TRAP1: variants seen among roughly 807,000 people sequenced by gnomAD.
The protein encoded by TRAP1 is TNF receptor associated protein 1.
In TRAP1, 102 loss-of-function variants were observed where a neutral mutation model predicts 89.1. That is an observed-to-expected ratio of 1.15 (90% CI 0.98 to 1.35). TRAP1 has a LOEUF of 1.35. Ranked by LOEUF, TRAP1 falls within the 40% of genes most tolerant of loss-of-function variation. TRAP1 has a pLI of 0.00. For missense variants in TRAP1, 1,256 were observed against 945.3 expected (o/e 1.33, Z -4.31); for synonymous variants, 508 against 388.0 (o/e 1.31, Z -3.64).
At position 3,662,716 on chromosome 16, in the gene TRAP1, C is replaced by A. The variant is rs749018732; in HGVS notation, c.1794+166G>T. ...GGCCTTCCTGCCTCAGCGGCACTCC[C>A]GAGCAACACGTGCCGAGCAGGGACC... On this transcript the variant is annotated intron_variant, in intron 15 of 17. Transcript: ENST00000246957. The A allele has an allele frequency of 4.2e-6, 3 of 717,632 alleles. No homozygotes were observed. In the South Asian group the frequency reaches 4.5e-5, roughly 11 times the overall value. 44.5% of individuals were successfully genotyped at this position (717,632 alleles called of 1,614,324 possible).
intron 1 of TRAP1, among the ~76,000 whole-genome samples, chr16:3,706,969 C>A (rs925743666): frequency 6.6e-6 from 1 of 152,048 alleles, no homozygotes; most frequent in African/African-American, 2.4e-5. Flanking sequence ...AGAGGTCGCA[C>A]CGTTTTACAT....
chr16:3,707,503 A>G (rs1256256708), intron 1 of TRAP1, among the ~76,000 whole-genome samples: 1 of 151,736 alleles, frequency 6.6e-6, no homozygotes, highest in East Asian at 2.0e-4. Context: ...AAATGTTTCT[A>G]AACAAAATAT....
In TRAP1 at chr16:3,658,862, G is replaced by T. The variant is rs137975630; in HGVS notation, c.1944C>A (p.His648Gln). 9.9e-6 allele frequency: 16 copies of T among 1,613,906 alleles called. No individual in the cohort carries two copies. The highest frequency in any genetic ancestry group is 2.2e-5 in the East Asian group (1 of 44,896). The change falls in exon 17 of 18, where the codon CAC becomes CAA. Residue 648 changes from histidine to glutamine, a missense_variant. Coordinates refer to ENST00000246957, the MANE Select transcript of TRAP1 (RefSeq NM_016292.3). ...GCTGATTCAGCTTCTTGATGAGCGC[G>T]TGCCTGCAACACAGAACCCACCAGA... ...LQPTLEINPR[H>Q]ALIKKLNQLR...
At chr16:3,683,499 C>A (rs2051099776) in intron 4 of TRAP1, among the ~76,000 whole-genome samples, 1 of 151,624 alleles carries the variant, frequency 6.6e-6, no homozygotes, top group Non-Finnish European at 1.5e-5. Context: ...AATTCTCCTG[C>A]CTCAGCCTCC....
In TRAP1 at chr16:3,672,833, A is replaced by C. The variant is rs1289211362; in HGVS notation, c.1045-13T>G. On this transcript the variant is annotated splice_polypyrimidine_tract_variant and intron_variant, in intron 9 of 17. Coordinates refer to ENST00000246957, the MANE Select transcript of TRAP1 (RefSeq NM_016292.3). ...ACATGGACGGTTTCTGGGGGTGAGG[A>C]GAACACGCCATCATGCAGCACTGAC... The C allele has an allele frequency of 2.5e-6, 4 of 1,609,902 alleles. No individual in the cohort carries two copies. The Admixed American group carries it at 6.7e-5, about 27-fold the overall frequency.
chr16:3,658,757 T>TG, intron 17 of TRAP1, 36 bp downstream of exon 17: 1 of 1,594,166 alleles, frequency 6.3e-7, no homozygotes, highest in African/African-American at 1.3e-5. Flanking sequence ...GCTGGTAGCC[T>TG]GGGTCCCTGC....
intron 1 of TRAP1, among the ~76,000 whole-genome samples, chr16:3,698,070 CA>C (rs2151275350): frequency 6.6e-6 from 1 of 152,068 alleles, no homozygotes; most frequent in East Asian, 1.9e-4. Context: ...CTCAGTCTCC[CA>C]AAGTGCTGGG....
chr16:3,658,826 G>A lies in TRAP1; in HGVS notation c.1980C>T (p.Ser660=), dbSNP rs984264954. 7 of 1,613,836 alleles carry A rather than the reference G, an allele frequency of 4.3e-6. No individual in the cohort carries two copies. The South Asian group carries it at 5.5e-5, about 13-fold the overall frequency. ...CCAGCAGCTGAGCCAGGCCAGGCTC[G>A]CTTGCGCGCAGCTGATTCAGCTTCT... ...LIKKLNQLRA[S]EPGLAQLLVD... is the part of the protein sequence containing the mutation. Residue 660 remains serine (S), a synonymous_variant, in exon 17 of 18, where the codon AGC becomes AGT. Coordinates refer to ENST00000246957, the MANE Select transcript of TRAP1 (RefSeq NM_016292.3).
chr16:3,697,192 A>C (rs1409638504), intron 1 of TRAP1, among the ~76,000 whole-genome samples: 4 of 152,112 alleles, frequency 2.6e-5, no homozygotes, highest in Non-Finnish European at 4.4e-5. Context: ...GGTCAGATAA[A>C]ATTTTCACTG....
At chr16:3,717,275 G>A in intron 1 of TRAP1, 146 bp downstream of exon 1, 1 of 355,716 alleles carries the variant, frequency 2.8e-6, no homozygotes, top group Non-Finnish European at 5.0e-6. Context: ...CGGAGCGAAA[G>A]TAAACGCGTC....
chr16:3,663,340 C>T (rs2050732464), intron 14 of TRAP1, 84 bp downstream of exon 14: 2 of 1,569,358 alleles, frequency 1.3e-6, no homozygotes, highest in Non-Finnish European at 1.7e-6. Context: ...TGACGAAAAC[C>T]CAAAGGAAGC....
intron 3 of TRAP1, among the ~76,000 whole-genome samples, chr16:3,688,517 C>T (rs2051168339): frequency 1.3e-5 from 2 of 152,062 alleles, no homozygotes; most frequent in South Asian, 4.2e-4. Context: ...GGGTCTTACT[C>T]TGTTGTGCAG....
At chr16:3,664,862 C>T (rs1392253849) in intron 12 of TRAP1, 4 of 182,086 alleles carry the variant, frequency 2.2e-5, no homozygotes, top group Non-Finnish European at 4.6e-5. Flanking sequence ...TCACAGCTGG[C>T]TATGGCAGAG....
At chr16:3,670,413 C>CTAAG (rs1210430029) in intron 11 of TRAP1, among the ~76,000 whole-genome samples, 1 of 76,694 alleles carries the variant, frequency 1.3e-5, no homozygotes, top group Non-Finnish European at 2.4e-5. Flanking sequence ...AAAAAAAAAT[C>CTAAG]TAAGTGGCCA....
Position 3,672,280 on chromosome 16 carries a change from G to A in TRAP1, c.1165+420C>T, listed in dbSNP as rs536620945. Among the ~76,000 whole-genome samples, 13 of 152,162 alleles carry A rather than the reference G, an allele frequency of 8.5e-5. No homozygotes were observed. The East Asian group carries it at 2.5e-3, about 29-fold the overall frequency. On this transcript the variant is annotated intron_variant, in intron 10 of 17. Coordinates refer to ENST00000246957, the MANE Select transcript of TRAP1 (RefSeq NM_016292.3). ...AAGGAGGTTGCAGTGAGCCACGATT[G>A]CACCACCGCACTCCAGCCTGGGTGA...
chr16:3,707,749 G>C (rs989157589), intron 1 of TRAP1, among the ~76,000 whole-genome samples: 1 of 151,054 alleles, frequency 6.6e-6, no homozygotes, highest in Admixed American at 6.6e-5. Flanking sequence ...AGCTACTCCA[G>C]AGGCTGAGGC....
At chr16:3,683,496 C>A (rs1401362289) in intron 4 of TRAP1, among the ~76,000 whole-genome samples, 1 of 151,694 alleles carries the variant, frequency 6.6e-6, no homozygotes. Flanking sequence ...AGCAATTCTC[C>A]TGCCTCAGCC....
intron 11 of TRAP1, among the ~76,000 whole-genome samples, chr16:3,666,760 A>G (rs909622622): frequency 1.3e-4 from 20 of 152,196 alleles, no homozygotes; most frequent in African/African-American, 4.8e-4. Flanking sequence ...GTACACTGTA[A>G]TTTGGGATTT....
intron 1 of TRAP1, among the ~76,000 whole-genome samples, chr16:3,712,584 G>A (rs1418498780): frequency 1.3e-5 from 2 of 152,026 alleles, no homozygotes; most frequent in Non-Finnish European, 2.9e-5. Context: ...ACCAATAAAC[G>A]CTTTGCTAAT....
Sources: gnomAD v4.1 joint callset for allele counts (sites outside exome capture counted in the v4.1 genomes callset) on GRCh38, gnomAD v4.1.1 for gene constraint, MANE v1.5 for transcripts, NCBI Gene and HGNC (gene_info 2026-07-23, HGNC 2026-07-21) for gene names.